FAM107B: variants seen among roughly 807,000 people sequenced by gnomAD.
The protein encoded by FAM107B is family with sequence similarity 107 member B.
A neutral mutation model predicts 31.5 loss-of-function variants in FAM107B; 21 were observed. The observed-to-expected ratio is 0.67, with a 90% CI of 0.47 to 0.96. The LOEUF is 0.96. Ranked by LOEUF, FAM107B falls within the 40% of genes least tolerant of loss-of-function variation. The probability of loss-of-function intolerance (pLI) is 0.00; values close to 1 mark genes in which losing one functional copy is unlikely to be tolerated. For synonymous variants in FAM107B, 157 were observed against 141.5 expected (o/e 1.11, Z -0.78); for missense variants, 452 against 377.1 (o/e 1.20, Z -1.64).
chr10:14,629,456 A>AAC (rs1564606963), intron 2 of FAM107B, among the ~76,000 whole-genome samples: 8 of 59,058 alleles, frequency 1.4e-4, no homozygotes, highest in African/African-American at 2.9e-4. Context: ...TTATATATAT[A>AAC]TTATATATAT....
chr10:14,747,053 T>C (rs1029204328), intron 1 of FAM107B, among the ~76,000 whole-genome samples: 1 of 152,192 alleles, frequency 6.6e-6, no homozygotes, highest in African/African-American at 2.4e-5. Context: ...GCCTTTAAGC[T>C]CTGAAATTCT....
At chr10:14,584,390 C>T (rs569674028) in intron 2 of FAM107B, among the ~76,000 whole-genome samples, 3 of 152,338 alleles carry the variant, frequency 2.0e-5, no homozygotes, top group Admixed American at 6.5e-5. Flanking sequence ...GTCCAGCTGC[C>T]GATGAGAATT....
chr10:14,667,628 C>T lies in FAM107B; in HGVS notation c.469+6G>A. 3 of 1,614,068 alleles carry T rather than the reference C, an allele frequency of 1.9e-6. No homozygotes were observed. The highest frequency in any genetic ancestry group is 2.5e-6 in the Non-Finnish European group (3 of 1,179,966). Reference sequence around the variant, plus strand: ...TGGAAAAGGAATCACACAGAATGTACTCTACCTGATGTCATTTTCTGCTCC... The same window carrying T: ...TGGAAAAGGAATCACACAGAATGTATTCTACCTGATGTCATTTTCTGCTCC... On this transcript the variant is annotated splice_donor_region_variant and intron_variant, in intron 2 of 4. Transcript: ENST00000181796.
intron 1 of FAM107B, among the ~76,000 whole-genome samples, chr10:14,759,224 A>AT: frequency 1.3e-5 from 2 of 152,088 alleles, no homozygotes; most frequent in East Asian, 3.9e-4. Flanking sequence ...AAATAAATAA[A>AT]AAGCAGCAAA....
intron 2 of FAM107B, among the ~76,000 whole-genome samples, chr10:14,557,068 C>T (rs1332562929): frequency 2.0e-5 from 3 of 152,254 alleles, no homozygotes; most frequent in Non-Finnish European, 2.9e-5. Flanking sequence ...CTTCTCCTGA[C>T]CCCTGGCTCT....
intron 1 of FAM107B, among the ~76,000 whole-genome samples, chr10:14,773,749 G>A (rs1030316427): frequency 3.9e-5 from 6 of 151,914 alleles, no homozygotes; most frequent in East Asian, 3.9e-4. Context: ...GTTCCCTTCC[G>A]TACCACTAGG....
chr10:14,689,046 T>C (rs577433434), intron 1 of FAM107B, among the ~76,000 whole-genome samples: 3 of 152,296 alleles, frequency 2.0e-5, no homozygotes, highest in South Asian at 4.1e-4. Flanking sequence ...GCATCTACTA[T>C]GTGCATGTCG....
Position 14,553,009 on chromosome 10 carries a change from A to G in FAM107B, c.470-22494T>C, listed in dbSNP as rs75982220. ...AAGCACACAAAAACGTCCAACAGCA[A>G]TGTACATTGGATGAGCTTGCTCTAT... On this transcript the variant is annotated intron_variant, in intron 2 of 4. Transcript: ENST00000181796. Among the ~76,000 whole-genome samples the G allele has an allele frequency of 2.6e-3, 399 of 152,320 alleles. 4 individuals carry two copies. The highest frequency in any genetic ancestry group is 9.4e-3 in the African/African-American group (389 of 41,574).
intron 1 of FAM107B, among the ~76,000 whole-genome samples, chr10:14,763,872 T>C (rs1709449437): frequency 6.6e-6 from 1 of 152,266 alleles, no homozygotes; most frequent in Non-Finnish European, 1.5e-5. Flanking sequence ...TTATTATTAC[T>C]GCTTAAGGGT....
At chr10:14,654,845 A>G (rs1854001407) in intron 2 of FAM107B, among the ~76,000 whole-genome samples, 1 of 152,214 alleles carries the variant, frequency 6.6e-6, no homozygotes, top group South Asian at 2.1e-4. Flanking sequence ...GGATGCATAG[A>G]ACACTGTGTT....
intron 2 of FAM107B, among the ~76,000 whole-genome samples, chr10:14,606,155 G>A (rs933991137): frequency 6.6e-6 from 1 of 152,080 alleles, no homozygotes; most frequent in Non-Finnish European, 1.5e-5. Flanking sequence ...CCAGAGTGCC[G>A]TATTTGCTAA....
At chr10:14,758,143 A>G (rs1310083026) in intron 1 of FAM107B, among the ~76,000 whole-genome samples, 1 of 152,210 alleles carries the variant, frequency 6.6e-6, no homozygotes, top group East Asian at 1.9e-4. Context: ...TGAAAGAGTA[A>G]TTTAAAAACG....
rs750314929 is a variant in FAM107B at position 14,530,437 on chromosome 10, T to G, written c.548A>C (p.Glu183Ala). The change falls in exon 3 of 5, where the codon GAA (glutamate) becomes GCA (alanine). Residue 183 changes from glutamate (E) to alanine (A), a missense_variant. By Grantham distance (107) the Glu-to-Ala change is moderately radical. Coordinates refer to ENST00000181796, the MANE Select transcript of FAM107B (RefSeq NM_031453.4). ...RSIMAEPDYI[E>A]DDNPELIRPQ... The stretch of plus-strand genomic sequence containing the variant: ...CCTAATGAGTTCAGGATTGTCATCT[T>G]CTATGTAGTCTGGCTCGGCCATGAT... 2.4e-5 allele frequency: 38 copies of G among 1,614,032 alleles called. No homozygotes were observed. The Middle Eastern group carries it at 4.9e-4, about 21-fold the overall frequency.
At chr10:14,522,868 T>C (rs565876835) in intron 3 of FAM107B, among the ~76,000 whole-genome samples, 3 of 152,268 alleles carry the variant, frequency 2.0e-5, no homozygotes, top group Admixed American at 2.0e-4. Context: ...CTGAAGGACA[T>C]GGCCGTGCAG....
At chr10:14,601,099 T>C (rs1487537905) in intron 2 of FAM107B, among the ~76,000 whole-genome samples, 3 of 152,198 alleles carry the variant, frequency 2.0e-5, no homozygotes, top group Non-Finnish European at 4.4e-5. Flanking sequence ...ACCTGCCTTA[T>C]AGTCTTGTTA....
At chr10:14,547,472 C>T (rs758583247) in intron 2 of FAM107B, among the ~76,000 whole-genome samples, 7 of 152,208 alleles carry the variant, frequency 4.6e-5, no homozygotes, top group Non-Finnish European at 7.3e-5. Context: ...CAACCACTCA[C>T]TCACTACAGG....
chr10:14,597,727 A>C (rs963861806), intron 2 of FAM107B, among the ~76,000 whole-genome samples: 1 of 152,114 alleles, frequency 6.6e-6, no homozygotes, highest in Non-Finnish European at 1.5e-5. Flanking sequence ...TGGCAGGCGG[A>C]TCATTTGAGG....
At chr10:14,615,223 G>A (rs1308805403) in intron 2 of FAM107B, among the ~76,000 whole-genome samples, 1 of 152,124 alleles carries the variant, frequency 6.6e-6, no homozygotes, top group Non-Finnish European at 1.5e-5. Context: ...CAGCTACTTG[G>A]GAGGCTGAGG....
intron 1 of FAM107B, among the ~76,000 whole-genome samples, chr10:14,712,187 T>C (rs1358118952): frequency 6.6e-6 from 1 of 152,206 alleles, no homozygotes; most frequent in East Asian, 1.9e-4. Flanking sequence ...CAATTTTCCA[T>C]GATGTGATTA....
Sources: allele counts gnomAD v4.1 joint callset (sites outside exome capture counted in the v4.1 genomes callset), GRCh38; gene constraint gnomAD v4.1.1; transcripts MANE v1.5; gene names NCBI Gene and HGNC (gene_info 2026-07-23, HGNC 2026-07-21).